The following UGT1A3 variants were observed in gnomAD, a reference collection of about 807,000 sequenced individuals.
UGT1A3 encodes the protein UDP glucuronosyltransferase family 1 member A3.
In UGT1A3, 31 loss-of-function variants were observed where a neutral mutation model predicts 41.0. The observed-to-expected ratio is 0.76, with a 90% CI of 0.57 to 1.02. UGT1A3 has a LOEUF of 1.02. Ranked by LOEUF, UGT1A3 falls within the 50% of genes least tolerant of loss-of-function variation. The pLI is 0.00. For missense variants in UGT1A3, 737 were observed against 671.0 expected (o/e 1.10, Z -1.09); for synonymous variants, 262 against 257.6 (o/e 1.02, Z -0.17).
chr2:233,752,746 A>AAAAC lies in UGT1A3; in HGVS notation c.868-14265_868-14262dup, dbSNP rs200752387. Among the ~76,000 whole-genome samples the AAAAC allele has an allele frequency of 7.8e-3, 1,184 of 152,306 alleles. 57 individuals carry two copies. In the East Asian group the frequency reaches 0.13, roughly 17 times the overall value. On this transcript the variant is annotated intron_variant, in intron 1 of 4. Transcript: ENST00000482026. ...AGCTACAGAGAGAGACCCTGTCTCTAAAACAAACAAACAAACAAACAAACA... is the reference window on the plus strand; with the variant it reads ...AGCTACAGAGAGAGACCCTGTCTCTAAAACAAACAAACAAACAAACAAACAAACA...
At chr2:233,756,038 T>C (rs1229247298) in intron 1 of UGT1A3, 1 of 152,242 alleles carries the variant, frequency 6.6e-6, no homozygotes, top group Non-Finnish European at 1.5e-5. Flanking sequence ...ATGTAGCTTC[T>C]GGAAAACTCC....
intron 2 of UGT1A3, 141 bp downstream of exon 2, chr2:233,767,306 T>A: frequency 6.6e-7 from 1 of 1,507,862 alleles, no homozygotes; most frequent in Non-Finnish European, 8.8e-7. Flanking sequence ...AATCCAAAGG[T>A]TTTTTTTGTT....
rs1005188679 is a variant in UGT1A3, at chr2:233,769,324, T to C, written c.1307+885T>C. 3.9e-5 allele frequency among the ~76,000 whole-genome samples: 6 copies of C among 152,244 alleles called. No individual in the cohort carries two copies. Among genetic ancestry groups the C allele is most frequent in the African/African-American group, 1.4e-4 (6 of 41,472 alleles). On this transcript the variant is annotated intron_variant, in intron 4 of 4. Coordinates refer to ENST00000482026, the MANE Select transcript of UGT1A3 (RefSeq NM_019093.4). This position sits in a 1 kb window ranked among gnomAD's most constrained non-coding sequence, Gnocchi z 4.4. ...ATATTACTGTCAAGCTCACTGGTAA[T>C]AGGCTTATTAGAACCTTATGGGAAG...
Position 233,768,419 on chromosome 2 carries a change from A to G in UGT1A3, c.1287A>G (p.Lys429=), listed in dbSNP as rs766292651. ...CTGAAGATTTAGAAAATGCTCTAAA[A>G]GCAGTCATCAATGACAAAAGGTAAG... The part of the protein sequence containing the change: ...MTSEDLENAL[K]AVINDKSYKE... Residue 429 remains lysine (K), a synonymous_variant, in exon 4 of 5, where the codon AAA becomes AAG. Transcript: ENST00000482026. 1 of 1,614,170 alleles carries G rather than the reference A, an allele frequency of 6.2e-7. No individual in the cohort carries two copies. Among genetic ancestry groups the G allele is most frequent in the Non-Finnish European group, 8.5e-7 (1 of 1,180,020 alleles).
chr2:233,765,218 C>T (rs1413075025), intron 1 of UGT1A3, among the ~76,000 whole-genome samples: 1 of 152,118 alleles, frequency 6.6e-6, no homozygotes, highest in African/African-American at 2.4e-5. Flanking sequence ...GTATTCTTTG[C>T]AAACATAAAA....
chr2:233,750,940 C>A (rs1694595221), intron 1 of UGT1A3, among the ~76,000 whole-genome samples: 1 of 151,854 alleles, frequency 6.6e-6, no homozygotes, highest in Non-Finnish European at 1.5e-5. Flanking sequence ...TTGGAGCCCC[C>A]ACACAGAGTC....
intron 1 of UGT1A3, among the ~76,000 whole-genome samples, chr2:233,744,623 G>T (rs1465647088): frequency 6.6e-6 from 1 of 151,866 alleles, no homozygotes; most frequent in Admixed American, 6.5e-5. Flanking sequence ...CTATAGAGAG[G>T]TGGATTCTCA....
At chr2:233,758,073 C>T (rs1352690348) in intron 1 of UGT1A3, among the ~76,000 whole-genome samples, 1 of 152,154 alleles carries the variant, frequency 6.6e-6, no homozygotes, top group East Asian at 1.9e-4. Context: ...CTTTCTGGGC[C>T]TAGTTCCTAG....
At chr2:233,749,482 T>C (rs1349900601) in intron 1 of UGT1A3, among the ~76,000 whole-genome samples, 2 of 151,916 alleles carry the variant, frequency 1.3e-5, no homozygotes, top group Non-Finnish European at 2.9e-5. Flanking sequence ...CAGATCACTC[T>C]TGCTATGCCC....
rs917335869 is a variant in UGT1A3, at chr2:233,769,898, A to C, written c.1307+1459A>C. 2.9e-6 allele frequency: 1 copy of C among 349,938 alleles called. No individual in the cohort carries two copies. Among genetic ancestry groups the C allele is most frequent in the Non-Finnish European group, 5.1e-6 (1 of 194,280 alleles). The allele number at this position is 349,938 out of a possible 1,614,324, so 21.7% of individuals were successfully genotyped here. Reference sequence around the variant, plus strand: ...AATGAAAAGTCCACATAACCTGAGCATCATGTGCCCAGAGCGTTGGGTGGT... The same window carrying C: ...AATGAAAAGTCCACATAACCTGAGCCTCATGTGCCCAGAGCGTTGGGTGGT... On this transcript the variant is annotated intron_variant, in intron 4 of 4. Transcript: ENST00000482026. The surrounding 1 kb of genome is among the most constrained non-coding windows in gnomAD (Gnocchi z 4.4).
intron 1 of UGT1A3, among the ~76,000 whole-genome samples, chr2:233,757,535 A>AATGTATATATATATATATATATAT (rs1696552153): frequency 1.1e-5 from 1 of 88,312 alleles, no homozygotes; most frequent in Non-Finnish European, 2.2e-5. Context: ...GCCTGTAAGG[A>AATGTATATATATATATATATATAT]ATATATATAT....
At chr2:233,771,667 A>C (rs1238919275) in intron 4 of UGT1A3, 1 of 152,440 alleles carries the variant, frequency 6.6e-6, no homozygotes, top group African/African-American at 2.4e-5. Flanking sequence ...AATTTCTCAC[A>C]AAATATCACT....
At chr2:233,768,004 T>C in intron 3 of UGT1A3, 68 bp downstream of exon 3, 1 of 1,614,092 alleles carries the variant, frequency 6.2e-7, no homozygotes, top group South Asian at 1.1e-5. Context: ...TAAGCACAGC[T>C]ATTCTAAAGG....
rs762748984 is a variant in UGT1A3 at position 233,755,099 on chromosome 2, C to T, written c.868-11935C>T. On this transcript the variant is annotated intron_variant, in intron 1 of 4. Transcript: ENST00000482026. ...CATAGATATCGCGTTTCTACGCGTCCGACAACACCTCGTAGGCCTCAGCCA... is the reference window on the plus strand; with the variant it reads ...CATAGATATCGCGTTTCTACGCGTCTGACAACACCTCGTAGGCCTCAGCCA... The T allele has an allele frequency of 6.0e-6, 8 of 1,334,956 alleles. 1 individual carries two copies. In the South Asian group the frequency reaches 8.0e-5, roughly 13 times the overall value. The allele number at this position is 1,334,956 out of a possible 1,614,324, so 82.7% of individuals were successfully genotyped here.
At chr2:233,747,911 C>A (rs1693810314) in intron 1 of UGT1A3, 1 of 1,613,394 alleles carries the variant, frequency 6.2e-7, no homozygotes, top group Non-Finnish European at 8.5e-7. Flanking sequence ...CTTATGCAAG[C>A]CTTGCCTCTG....
intron 1 of UGT1A3, chr2:233,755,083 C>G: frequency 1.5e-6 from 2 of 1,335,264 alleles, no homozygotes; most frequent in Non-Finnish European, 2.0e-6. Context: ...TCATAGATAT[C>G]GCGTTTCTAC....
intron 1 of UGT1A3, among the ~76,000 whole-genome samples, chr2:233,731,469 T>C (rs1244110425): frequency 6.6e-6 from 1 of 152,156 alleles, no homozygotes; most frequent in Non-Finnish European, 1.5e-5. Context: ...TGGCGTGTGA[T>C]GTTCCCTGGC....
At chr2:233,752,422 T>C (rs1694966934) in intron 1 of UGT1A3, 1 of 152,180 alleles carries the variant, frequency 6.6e-6, no homozygotes, top group Non-Finnish European at 1.5e-5. Context: ...GAAAACCTGA[T>C]TTATCGAACC....
At chr2:233,765,205 T>G (rs540441075) in intron 1 of UGT1A3, among the ~76,000 whole-genome samples, 9 of 152,292 alleles carry the variant, frequency 5.9e-5, no homozygotes, top group African/African-American at 2.2e-4. Flanking sequence ...ATTAGTGCCC[T>G]CAGTATTCTT....
Sources: allele counts gnomAD v4.1 joint callset (sites outside exome capture counted in the v4.1 genomes callset), GRCh38; gene constraint gnomAD v4.1.1; non-coding constraint Gnocchi (gnomAD v3.1); transcripts MANE v1.5; gene names NCBI Gene and HGNC (gene_info 2026-07-23, HGNC 2026-07-21).